The following DLG2 variants were observed in gnomAD, a reference collection of about 807,000 sequenced individuals.
DLG2 encodes disks large homolog 2.
DLG2 carries 45 observed loss-of-function variants against 132.5 expected under a neutral mutation model. That is an observed-to-expected ratio of 0.34 (90% confidence interval 0.27 to 0.44). The LOEUF (loss-of-function observed/expected upper bound fraction) is 0.44. DLG2 is among the 20% of genes least tolerant of loss of function. The pLI is 1.00. For synonymous variants in DLG2, 424 were observed against 419.6 expected (o/e 1.01, Z -0.13); for missense variants, 1,045 against 1,196.9 (o/e 0.87, Z 1.87).
chr11:84,301,946 C>T (rs1176312857), intron 7 of DLG2, among the ~76,000 whole-genome samples: 1 of 152,122 alleles, frequency 6.6e-6, no homozygotes, highest in African/African-American at 2.4e-5. Flanking sequence ...TTGGAACCAA[C>T]CCAAATGCCC....
chr11:85,285,076 T>C (rs1483992202), intron 4 of DLG2, 144 bp downstream of exon 4: 1 of 640,252 alleles, frequency 1.6e-6, no homozygotes, highest in Non-Finnish European at 2.5e-6. Context: ...TTTTCATATA[T>C]GAAAATTGCA....
intron 6 of DLG2, among the ~76,000 whole-genome samples, chr11:84,538,721 C>G (rs1380159925): frequency 6.6e-6 from 1 of 151,910 alleles, no homozygotes; most frequent in Non-Finnish European, 1.5e-5. Context: ...TACAGTGTGG[C>G]AGGAGGAGAC....
chr11:85,464,716 T>C (rs985666970), intron 3 of DLG2, among the ~76,000 whole-genome samples: 5 of 151,884 alleles, frequency 3.3e-5, no homozygotes, highest in African/African-American at 1.2e-4. Context: ...ATAATCCTAA[T>C]GTTGTGGCCT....
intron 6 of DLG2, among the ~76,000 whole-genome samples, chr11:84,978,573 C>T (rs1216276079): frequency 6.6e-6 from 1 of 152,064 alleles, no homozygotes; most frequent in East Asian, 1.9e-4. Flanking sequence ...GAAAGGATTC[C>T]CTATTTAATA....
intron 6 of DLG2, among the ~76,000 whole-genome samples, chr11:85,010,332 C>T (rs1023715519): frequency 2.0e-5 from 3 of 152,016 alleles, no homozygotes; most frequent in Non-Finnish European, 4.4e-5. Flanking sequence ...ACTCTGATGA[C>T]ACATTTTAAG....
At chr11:83,849,013 T>C (rs1309493915) in intron 16 of DLG2, among the ~76,000 whole-genome samples, 2 of 152,192 alleles carry the variant, frequency 1.3e-5, no homozygotes, top group Non-Finnish European at 2.9e-5. Flanking sequence ...AACTGGGAAT[T>C]CTTTATGCAC....
intron 6 of DLG2, chr11:84,887,118 A>C (rs1431950792): frequency 6.6e-6 from 1 of 152,150 alleles, no homozygotes; most frequent in Non-Finnish European, 1.5e-5. Flanking sequence ...TTCATACTTT[A>C]GGTTCTGATA....
intron 3 of DLG2, among the ~76,000 whole-genome samples, chr11:85,563,912 C>T (rs1434833722): frequency 5.3e-5 from 8 of 151,982 alleles, no homozygotes; most frequent in East Asian, 1.9e-4. Flanking sequence ...GTGGTTGTAC[C>T]ATTGTACATT....
At chr11:85,037,611 G>C (rs2061525355) in intron 6 of DLG2, among the ~76,000 whole-genome samples, 1 of 150,330 alleles carries the variant, frequency 6.7e-6, no homozygotes, top group Non-Finnish European at 1.5e-5. Context: ...TAACCTGAGT[G>C]TTATCTTAAA....
intron 17 of DLG2, among the ~76,000 whole-genome samples, chr11:83,800,447 G>A (rs969485370): frequency 8.5e-5 from 13 of 152,344 alleles, no homozygotes; most frequent in Non-Finnish European, 1.8e-4. Flanking sequence ...TGTATTTGAA[G>A]TGGAAATTTC....
At chr11:83,858,826 T>C (rs180717289) in intron 16 of DLG2, among the ~76,000 whole-genome samples, 1 of 152,320 alleles carries the variant, frequency 6.6e-6, no homozygotes, top group South Asian at 2.1e-4. Context: ...GGCTTATAGT[T>C]TTTTTGTAAG....
chr11:83,486,314 A>G (rs1324753248), intron 21 of DLG2: 5 of 644,100 alleles, frequency 7.8e-6, no homozygotes, highest in African/African-American at 1.9e-5. Flanking sequence ...AAGGTATGTT[A>G]GACATTTAAC....
In DLG2 at chr11:85,309,429, C is replaced by CAA. The variant is rs34393401; in HGVS notation, c.41-24066_41-24065dup. 5.6e-3 allele frequency among the ~76,000 whole-genome samples: 801 copies of CAA among 143,408 alleles called. 4 individuals are homozygous for CAA. The highest frequency in any genetic ancestry group is 0.011 in the African/African-American group (442 of 38,902). 94.1% of individuals were successfully genotyped at this position (143,408 alleles called of 152,430 possible). ...CAGACTCCATATAGGGGTTTTCTAC[C>CAA]AAAAAAAAAAAAAAATTAGCATGAA... On this transcript the variant is annotated intron_variant, in intron 3 of 27. Transcript: ENST00000376104.
At chr11:85,382,398 C>G (rs563956585) in intron 3 of DLG2, among the ~76,000 whole-genome samples, 59 of 151,888 alleles carry the variant, frequency 3.9e-4, no homozygotes, top group Non-Finnish European at 1.2e-4. Flanking sequence ...AATTTAAGAG[C>G]TAAAACTATA....
In DLG2 at chr11:84,344,629, G is replaced by A. The variant is rs927312742; in HGVS notation, c.520-93338C>T. 2.0e-5 allele frequency among the ~76,000 whole-genome samples: 3 copies of A among 152,142 alleles called. No homozygotes were observed. The East Asian group carries it at 5.8e-4, about 29-fold the overall frequency. On this transcript the variant is annotated intron_variant, in intron 7 of 27. Coordinates refer to ENST00000376104, the MANE Select transcript of DLG2 (RefSeq NM_001142699.3). ...GTCAATTTCAAACTCTCTTCTATCT[G>A]AAAACAAAAGACTTCCTTCATCTAA...
At chr11:84,547,281 C>G (rs2154523272) in intron 6 of DLG2, among the ~76,000 whole-genome samples, 1 of 152,244 alleles carries the variant, frequency 6.6e-6, no homozygotes, top group African/African-American at 2.4e-5. Flanking sequence ...TTGCCTTTTA[C>G]TGTTTTGAAT....
chr11:84,967,907 A>G (rs2053553644), intron 6 of DLG2, among the ~76,000 whole-genome samples: 1 of 152,126 alleles, frequency 6.6e-6, no homozygotes, highest in African/African-American at 2.4e-5. Flanking sequence ...ATAAGCTTCT[A>G]AAAGGTCCTG....
chr11:85,180,938 T>G (rs2079647937), intron 4 of DLG2, among the ~76,000 whole-genome samples: 1 of 151,834 alleles, frequency 6.6e-6, no homozygotes, highest in African/African-American at 2.4e-5. Flanking sequence ...TAATTTGGTT[T>G]GACAGGATTC....
chr11:84,512,232 T>C (rs2099259093), intron 7 of DLG2, among the ~76,000 whole-genome samples: 1 of 152,178 alleles, frequency 6.6e-6, no homozygotes, highest in South Asian at 2.1e-4. Flanking sequence ...TGAGCACCTT[T>C]TGTGGCATGC....
Sources: gnomAD v4.1 joint callset for allele counts (sites outside exome capture counted in the v4.1 genomes callset) on GRCh38, gnomAD v4.1.1 for gene constraint, MANE v1.5 for transcripts, NCBI Gene and HGNC (gene_info 2026-07-23, HGNC 2026-07-21) for gene names.